The following PRKG1 variants were observed in gnomAD, a reference collection of about 807,000 sequenced individuals.
PRKG1 encodes the protein cGMP-dependent protein kinase 1.
Under a neutral mutation model 88.1 loss-of-function variants are expected in PRKG1, and 35 were observed. The ratio of observed to expected loss-of-function variants is 0.40; its 90% CI spans 0.30 to 0.53. PRKG1 has a LOEUF of 0.53. Ranked by LOEUF, PRKG1 falls within the 20% of genes least tolerant of loss-of-function variation. PRKG1 has a pLI of 0.59. For missense variants in PRKG1, 540 were observed against 839.8 expected, an observed-to-expected ratio of 0.64 and a Z score of 4.41; for synonymous variants, 303 against 292.5, an observed-to-expected ratio of 1.04 and a Z score of -0.37.
At chr10:51,152,844 T>C (rs1040004334) in intron 1 of PRKG1, among the ~76,000 whole-genome samples, 3 of 152,002 alleles carry the variant, frequency 2.0e-5, no homozygotes, top group Non-Finnish European at 2.9e-5. Context: ...TATGTATCCA[T>C]TGGTTTTCTA....
At chr10:51,217,583 T>G (rs1427568763) in intron 2 of PRKG1, among the ~76,000 whole-genome samples, 1 of 152,126 alleles carries the variant, frequency 6.6e-6, no homozygotes, top group Non-Finnish European at 1.5e-5. Context: ...TCTATTTACA[T>G]TTACACAAAT....
chr10:51,842,946 A>T (rs1482769719), intron 4 of PRKG1, among the ~76,000 whole-genome samples: 1 of 152,124 alleles, frequency 6.6e-6, no homozygotes, highest in African/African-American at 2.4e-5. Flanking sequence ...TCATAAAAAA[A>T]TAGAATATGA....
At chr10:52,263,574 C>T (rs1841488452) in intron 10 of PRKG1, among the ~76,000 whole-genome samples, 1 of 149,296 alleles carries the variant, frequency 6.7e-6, no homozygotes, top group African/African-American at 2.5e-5. Context: ...TTCCAATCTC[C>T]AGGATTTTTT....
chr10:52,240,546 T>C (rs1391594259), intron 9 of PRKG1, among the ~76,000 whole-genome samples: 1 of 152,074 alleles, frequency 6.6e-6, no homozygotes, highest in Non-Finnish European at 1.5e-5. Context: ...TTAAAACAAG[T>C]TTTATTGATA....
chr10:52,052,424 A>AAATAATAAT (rs143155555), intron 5 of PRKG1, among the ~76,000 whole-genome samples: 22 of 150,136 alleles, frequency 1.5e-4, no homozygotes, highest in Non-Finnish European at 2.1e-4. Context: ...AAAAAAAATA[A>AAATAATAAT]AATAATAATA....
At chr10:52,163,256 T>TC (rs1261905111) in intron 9 of PRKG1, among the ~76,000 whole-genome samples, 1 of 149,790 alleles carries the variant, frequency 6.7e-6, no homozygotes, top group African/African-American at 2.4e-5. Context: ...TGTATTCAGT[T>TC]AAGGGTCTCA....
chr10:51,651,052 G>C (rs1454385230), intron 3 of PRKG1, among the ~76,000 whole-genome samples: 1 of 152,110 alleles, frequency 6.6e-6, no homozygotes, highest in African/African-American at 2.4e-5. Context: ...AAGTCCAATG[G>C]GTAAAGGCCA....
At chr10:52,096,964 G>A (rs1235237923) in intron 7 of PRKG1, among the ~76,000 whole-genome samples, 4 of 152,056 alleles carry the variant, frequency 2.6e-5, no homozygotes, top group Admixed American at 2.0e-4. Context: ...GACTTAGTAT[G>A]CATTATCTAA....
chr10:51,422,880 CT>C (rs1838456369), intron 2 of PRKG1, among the ~76,000 whole-genome samples: 1 of 151,760 alleles, frequency 6.6e-6, no homozygotes, highest in Non-Finnish European at 1.5e-5. Flanking sequence ...TATTCAGACA[CT>C]GCTTCTGGTT....
chr10:51,850,919 C>T (rs1840537934), intron 4 of PRKG1, among the ~76,000 whole-genome samples: 1 of 152,112 alleles, frequency 6.6e-6, no homozygotes, highest in African/African-American at 2.4e-5. Context: ...GGAGGGGAAT[C>T]TGATAAGATC....
intron 2 of PRKG1, among the ~76,000 whole-genome samples, chr10:51,463,153 T>A (rs905365900): frequency 1.3e-5 from 2 of 152,254 alleles, no homozygotes; most frequent in East Asian, 1.9e-4. Flanking sequence ...GAAACTAAAC[T>A]GAAGTATTAA....
Position 50,991,740 on chromosome 10 carries a change from G to A in PRKG1, c.266+96G>A. The stretch of plus-strand genomic sequence containing the variant: ...GGCGGCGGGGGCGGGTCGGCCCAGG[G>A]CGCCCCCTGCTCGCTGCGGCGCGCG... On this transcript the variant is annotated intron_variant, in intron 1 of 17. Coordinates refer to the PRKG1 transcript ENST00000401604. This position sits in a 1 kb window ranked among gnomAD's most constrained non-coding sequence, Gnocchi z 4.5. 6 of 962,612 alleles carry A rather than the reference G, an allele frequency of 6.2e-6. No individual in the cohort carries two copies. The highest frequency in any genetic ancestry group is 7.6e-6 in the Non-Finnish European group (6 of 789,674). 59.6% of individuals were successfully genotyped at this position (962,612 alleles called of 1,614,324 possible).
intron 2 of PRKG1, among the ~76,000 whole-genome samples, chr10:51,324,728 G>A (rs1258103578): frequency 6.6e-6 from 1 of 151,958 alleles, no homozygotes; most frequent in Non-Finnish European, 1.5e-5. Context: ...GCGACTGAGC[G>A]AGACTCCGTC....
chr10:51,861,482 GTCTA>G (rs1233748252), intron 4 of PRKG1, among the ~76,000 whole-genome samples: 1 of 151,954 alleles, frequency 6.6e-6, no homozygotes, highest in African/African-American at 2.4e-5. Flanking sequence ...AAATACCCGG[GTCTA>G]TTACATTAGT....
intron 2 of PRKG1, among the ~76,000 whole-genome samples, chr10:51,209,812 T>G (rs1042604837): frequency 6.6e-6 from 1 of 152,178 alleles, no homozygotes; most frequent in African/African-American, 2.4e-5. Flanking sequence ...CTGAGAACAA[T>G]TCCCATTGTG....
chr10:52,148,214 C>G (rs1321213141), intron 8 of PRKG1, among the ~76,000 whole-genome samples: 2 of 152,128 alleles, frequency 1.3e-5, no homozygotes, highest in African/African-American at 4.8e-5. Context: ...TTGGCAATGC[C>G]TGGAGACATT....
At chr10:51,115,560 C>T (rs186817900) in intron 1 of PRKG1, among the ~76,000 whole-genome samples, 249 of 149,822 alleles carry the variant, frequency 1.7e-3, no homozygotes, top group African/African-American at 5.7e-3. Flanking sequence ...AAGAAGAAGG[C>T]TGGGTGTGGT....
intron 1 of PRKG1, among the ~76,000 whole-genome samples, chr10:51,123,328 G>A (rs370009279): frequency 6.6e-6 from 1 of 152,020 alleles, no homozygotes; most frequent in African/African-American, 2.4e-5. Flanking sequence ...CCCAAAAAAG[G>A]CTTATAATGA....
chr10:52,106,661 G>A (rs773081106), intron 7 of PRKG1, among the ~76,000 whole-genome samples: 20 of 150,242 alleles, frequency 1.3e-4, no homozygotes, highest in African/African-American at 2.7e-4. Context: ...CCGAGATCGC[G>A]CCACTGCACT....
Sources: allele counts gnomAD v4.1 joint callset (sites outside exome capture counted in the v4.1 genomes callset), GRCh38; gene constraint gnomAD v4.1.1; non-coding constraint Gnocchi (gnomAD v3.1); transcripts MANE v1.5; gene names NCBI Gene and HGNC (gene_info 2026-07-23, HGNC 2026-07-21).